The following SDHAF4 variants were observed in gnomAD, a reference collection of about 807,000 sequenced individuals.
The protein encoded by SDHAF4 is succinate dehydrogenase complex assembly factor 4, also known as succinate dehydrogenase assembly factor 4, mitochondrial.
In SDHAF4, 14 loss-of-function variants were observed where a neutral mutation model predicts 14.3. That is an observed-to-expected ratio of 0.98 (90% CI 0.65 to 1.53). The LOEUF (loss-of-function observed/expected upper bound fraction) is 1.53, where lower values mean the gene tolerates loss of function less well. Among genes scored for constraint, SDHAF4 ranks in the 40% most tolerant of loss-of-function variants. The pLI, the probability that SDHAF4 is intolerant of heterozygous loss-of-function variation, is 0.00. For missense variants in SDHAF4, 141 were observed against 129.3 expected, an observed-to-expected ratio of 1.09 and a Z score of -0.44; for synonymous variants, 63 against 47.3, an observed-to-expected ratio of 1.33 and a Z score of -1.36.
rs544611899 is a variant in SDHAF4, at chr6:70,569,211, G to T, written c.64+2207G>T. On this transcript the variant is annotated intron_variant, in intron 1 of 2. Coordinates refer to ENST00000370474, the MANE Select transcript of SDHAF4 (RefSeq NM_145267.3). ...GATCTCCTGACCTCGTGATCCGCCCGTCTCGGCCTCCCAAAGTGCTGGGAT... is the reference window on the plus strand; with the variant it reads ...GATCTCCTGACCTCGTGATCCGCCCTTCTCGGCCTCCCAAAGTGCTGGGAT... Among the ~76,000 whole-genome samples, 248 of 151,868 alleles carry T rather than the reference G, an allele frequency of 1.6e-3. 1 individual carries two copies. Among genetic ancestry groups the T allele is most frequent in the Non-Finnish European group, 2.9e-3 (199 of 67,916 alleles).
chr6:70,591,011 A>T (rs1765252587), downstream of SDHAF4, among the ~76,000 whole-genome samples: 1 of 152,194 alleles, frequency 6.6e-6, no homozygotes, highest in Non-Finnish European at 1.5e-5. Context: ...GCAAGAAAAA[A>T]GGAGTGAATT....
chr6:70,570,362 A>T (rs532493029), intron 1 of SDHAF4, among the ~76,000 whole-genome samples: 23 of 151,694 alleles, frequency 1.5e-4, no homozygotes, highest in Admixed American at 1.5e-3. Context: ...TTGCTCTGTC[A>T]CCCAGGCTGG....
chr6:70,569,114 C>T (rs567462110), intron 1 of SDHAF4, among the ~76,000 whole-genome samples: 8 of 151,076 alleles, frequency 5.3e-5, no homozygotes, highest in South Asian at 2.1e-4. Context: ...TACAGGCGCG[C>T]GCCACCACGC....
At chr6:70,593,897 G>C (rs545108446), downstream of SDHAF4, among the ~76,000 whole-genome samples, 2 of 152,226 alleles carry the variant, frequency 1.3e-5, no homozygotes, top group African/African-American at 4.8e-5. Context: ...GTTTCACCAT[G>C]TTGGCCAGGC....
chr6:70,581,864 C>T (rs1213193528), intron 2 of SDHAF4, among the ~76,000 whole-genome samples: 1 of 152,132 alleles, frequency 6.6e-6, no homozygotes, highest in East Asian at 1.9e-4. Flanking sequence ...CTGCCTCGGC[C>T]TCCCAAAGTG....
downstream of SDHAF4, among the ~76,000 whole-genome samples, chr6:70,594,517 ACT>A (rs1276191289): frequency 6.6e-6 from 1 of 152,044 alleles, no homozygotes; most frequent in Non-Finnish European, 1.5e-5. Context: ...ATGCCTCAGG[ACT>A]CTATAGAGAG....
chr6:70,575,816 A>G (rs185839950), intron 1 of SDHAF4, among the ~76,000 whole-genome samples: 1 of 152,292 alleles, frequency 6.6e-6, no homozygotes, highest in East Asian at 1.9e-4. Context: ...ACACAATTCT[A>G]AATAGGTTTG....
chr6:70,588,347 C>A (rs1489929815), intron 2 of SDHAF4, among the ~76,000 whole-genome samples: 1 of 152,090 alleles, frequency 6.6e-6, no homozygotes, highest in East Asian at 1.9e-4. Context: ...TGGTGAAACC[C>A]CTTCTCTACT....
intron 1 of SDHAF4, among the ~76,000 whole-genome samples, chr6:70,569,113 G>T (rs112686276): frequency 2.0e-5 from 3 of 146,420 alleles, no homozygotes; most frequent in Non-Finnish European, 4.5e-5. Context: ...CTACAGGCGC[G>T]CGCCACCACG....
At chr6:70,572,122 G>T (rs1213917903) in intron 1 of SDHAF4, among the ~76,000 whole-genome samples, 1 of 127,008 alleles carries the variant, frequency 7.9e-6, no homozygotes. Flanking sequence ...AGGCTGGAGC[G>T]CAGTGGTGCG....
chr6:70,572,910 TTTGTA>T (rs373937518), intron 1 of SDHAF4, among the ~76,000 whole-genome samples: 2 of 152,326 alleles, frequency 1.3e-5, no homozygotes, highest in African/African-American at 4.8e-5. Flanking sequence ...CATAAAGACT[TTTGTA>T]TAGTCAGTAT....
chr6:70,574,562 A>C (rs1291090294), intron 1 of SDHAF4, among the ~76,000 whole-genome samples: 1 of 152,170 alleles, frequency 6.6e-6, no homozygotes. Context: ...CTTGTTAAAA[A>C]TGCAAGAATC....
In SDHAF4 at chr6:70,571,407, C is replaced by G. The variant is rs550755669; in HGVS notation, c.64+4403C>G. 3.3e-5 allele frequency among the ~76,000 whole-genome samples: 5 copies of G among 152,258 alleles called. No individual in the cohort carries two copies. The East Asian group carries it at 9.6e-4, about 29-fold the overall frequency. On this transcript the variant is annotated intron_variant, in intron 1 of 2. Transcript: ENST00000370474. ...ATTATACACTGAAACCCCTGCCTCCCGGGTTCAAGTTATTCTTCTGCCTCA... is the reference window on the plus strand; with the variant it reads ...ATTATACACTGAAACCCCTGCCTCCGGGGTTCAAGTTATTCTTCTGCCTCA...
At chr6:70,585,656 C>T (rs935769163) in intron 2 of SDHAF4, among the ~76,000 whole-genome samples, 1 of 152,126 alleles carries the variant, frequency 6.6e-6, no homozygotes, top group African/African-American at 2.4e-5. Flanking sequence ...GAGAGGCCTT[C>T]AAGGGAATTC....
chr6:70,572,058 C>CTTTTTTTTTTTTTTTTTTTT (rs66688860), intron 1 of SDHAF4, among the ~76,000 whole-genome samples: 3 of 53,510 alleles, frequency 5.6e-5, no homozygotes, highest in African/African-American at 1.6e-4. Flanking sequence ...CTTTTTTTGT[C>CTTTTTTTTTTTTTTTTTTTT]TTTTTTTTTT....
At chr6:70,569,862 G>T (rs941908505) in intron 1 of SDHAF4, among the ~76,000 whole-genome samples, 12 of 152,156 alleles carry the variant, frequency 7.9e-5, no homozygotes, top group Non-Finnish European at 1.3e-4. Context: ...CTTCTCAAAG[G>T]TTTATAGTTT....
At chr6:70,567,115 GC>G in intron 1 of SDHAF4, 111 bp downstream of exon 1, 1 of 1,063,918 alleles carries the variant, frequency 9.4e-7, no homozygotes, top group Non-Finnish European at 1.4e-6. Context: ...GTTCGGTGTT[GC>G]CAGGGGCTGC....
At chr6:70,581,900 T>A (rs1765131049) in intron 2 of SDHAF4, among the ~76,000 whole-genome samples, 1 of 151,560 alleles carries the variant, frequency 6.6e-6, no homozygotes, top group African/African-American at 2.4e-5. Context: ...TGAGCCACCA[T>A]TCCTGGCATG....
chr6:70,595,786 A>C, the SDHAF4 span, among the ~76,000 whole-genome samples: 8 of 150,710 alleles, frequency 5.3e-5, no homozygotes, highest in East Asian at 1.4e-3. Flanking sequence ...CAGTGAGCTG[A>C]GATCACGCCA....
Sources: gnomAD v4.1 joint callset for allele counts (sites outside exome capture counted in the v4.1 genomes callset) on GRCh38, gnomAD v4.1.1 for gene constraint, MANE v1.5 for transcripts, NCBI Gene and HGNC (gene_info 2026-07-23, HGNC 2026-07-21) for gene names.